D2HGDH: variants seen among roughly 807,000 people sequenced by gnomAD.
The protein encoded by D2HGDH is D-2-hydroxyglutarate dehydrogenase, mitochondrial.
A neutral mutation model predicts 46.9 loss-of-function variants in D2HGDH; 31 were observed. The observed-to-expected ratio is 0.66, with a 90% CI of 0.50 to 0.89. The LOEUF is 0.89. Ranked by LOEUF, D2HGDH falls within the 40% of genes least tolerant of loss-of-function variation. The probability of loss-of-function intolerance (pLI) is 0.00; values close to 1 mark genes in which losing one functional copy is unlikely to be tolerated. For missense variants in D2HGDH, 698 were observed against 720.8 expected (o/e 0.97, Z 0.36); for synonymous variants, 364 against 332.6 (o/e 1.09, Z -1.03).
At position 241,743,725 on chromosome 2, in the gene D2HGDH, C is replaced by T. The variant is rs1320869454; in HGVS notation, c.594C>T (p.Cys198=). The T allele has an allele frequency of 3.1e-6, 5 of 1,613,674 alleles. No homozygotes were observed. In the East Asian group the frequency reaches 8.9e-5, roughly 29 times the overall value. Residue 198 remains cysteine, a synonymous_variant, in exon 5 of 10, where the codon TGC becomes TGT. Coordinates refer to ENST00000321264, the MANE Select transcript of D2HGDH (RefSeq NM_152783.5). The surrounding 1 kb of genome is among the most constrained non-coding windows in gnomAD (Gnocchi z 4.8). ...MPLDLGAKGS[C]HIGGNVATNA... is the part of the protein sequence containing the mutation. ...TGGACTTAGGAGCCAAGGGCAGCTG[C>T]CACATCGGGGGAAACGTGGCAACCA...
intron 6 of D2HGDH, among the ~76,000 whole-genome samples, chr2:241,747,546 G>T (rs866770849): frequency 6.6e-5 from 9 of 136,700 alleles, no homozygotes; most frequent in Admixed American, 2.2e-4. Context: ...TCAGGAGAGT[G>T]TTTTTTTTTT....
intron 2 of D2HGDH, among the ~76,000 whole-genome samples, chr2:241,739,093 G>A (rs1230545702): frequency 6.6e-6 from 1 of 152,220 alleles, no homozygotes; most frequent in African/African-American, 2.4e-5. Context: ...CACCTCTGGC[G>A]GCCTTGCCCC....
rs145921981 is a variant in D2HGDH at position 241,759,430 on chromosome 2, C to T, written c.1306+3416C>T. ...CTCGCTCTTTATCTCCAGCATTGCCCGCTGCCTTGGTGTCTGCTTTGTTTA... is the reference window on the plus strand; with the variant it reads ...CTCGCTCTTTATCTCCAGCATTGCCTGCTGCCTTGGTGTCTGCTTTGTTTA... On this transcript the variant is annotated intron_variant, in intron 9 of 9. Coordinates refer to ENST00000321264, the MANE Select transcript of D2HGDH (RefSeq NM_152783.5). Among the ~76,000 whole-genome samples the T allele has an allele frequency of 1.4e-4, 21 of 152,330 alleles. No individual in the cohort carries two copies. The East Asian group carries it at 2.5e-3, about 18-fold the overall frequency.
At chr2:241,756,128 C>G in intron 9 of D2HGDH, 114 bp downstream of exon 9, 1 of 1,406,526 alleles carries the variant, frequency 7.1e-7, no homozygotes, top group Non-Finnish European at 9.4e-7. Flanking sequence ...TCTGGCTTAG[C>G]ATATCTCCCG....
intron 2 of D2HGDH, among the ~76,000 whole-genome samples, 188 bp downstream of exon 2, chr2:241,735,704 CAA>C (rs1372112803): frequency 6.6e-6 from 1 of 152,176 alleles, no homozygotes; most frequent in South Asian, 2.1e-4. Context: ...TAGAACAACC[CAA>C]GTTTTGTTGT....
In D2HGDH at chr2:241,743,990, C is replaced by T. The variant is rs1188217200; in HGVS notation, c.684+175C>T. Among the ~76,000 whole-genome samples, 5 of 152,218 alleles carry T rather than the reference C, an allele frequency of 3.3e-5. No homozygotes were observed. The highest frequency in any genetic ancestry group is 1.2e-4 in the African/African-American group (5 of 41,454). On this transcript the variant is annotated intron_variant, in intron 5 of 9. Transcript: ENST00000321264. The surrounding 1 kb of genome is among the most constrained non-coding windows in gnomAD (Gnocchi z 4.8). The stretch of plus-strand genomic sequence containing the variant: ...ACATACACCCCCATCCTGAGGGAGG[C>T]CTGGCCCTGCCCTGTCCTCCCACGA...
intron 3 of D2HGDH, among the ~76,000 whole-genome samples, chr2:241,741,306 T>G (rs1241865607): frequency 1.3e-5 from 2 of 152,204 alleles, no homozygotes. Context: ...CATGCCCATT[T>G]CTTGGCACTG....
Position 241,741,089 on chromosome 2 carries a change from A to C in D2HGDH, c.349A>C (p.Arg117=), listed in dbSNP as rs1289999726. The C allele has an allele frequency of 6.2e-7, 1 of 1,613,446 alleles. No homozygotes were observed. The highest frequency in any genetic ancestry group is 1.3e-5 in the African/African-American group (1 of 74,898). Residue 117 remains arginine, a splice_region_variant and synonymous_variant, in exon 3 of 10, where the codon AGG becomes CGG. Transcript: ENST00000321264. ...RTSEEVSHIL[R]HCHERNLAVN... is the part of the protein sequence containing the mutation. Reference sequence around the variant, plus strand: ...GTCGGAGGAGGTGTCCCACATCCTCAGGTGAGGTGGTGGCTCCCGGCTCCC... The same window carrying C: ...GTCGGAGGAGGTGTCCCACATCCTCCGGTGAGGTGGTGGCTCCCGGCTCCC...
intron 6 of D2HGDH, 48 bp from the exon 7 acceptor site, chr2:241,750,103 G>A (rs768199463): frequency 6.2e-7 from 1 of 1,612,964 alleles, no homozygotes; most frequent in Admixed American, 1.7e-5. Context: ...ACTTGGGTGG[G>A]CTGGGTTTAG....
chr2:241,746,460 C>G (rs915323001), intron 6 of D2HGDH, among the ~76,000 whole-genome samples: 1 of 152,224 alleles, frequency 6.6e-6, no homozygotes, highest in Non-Finnish European at 1.5e-5. Context: ...TATTCTCAAG[C>G]TCACCATTTG....
At chr2:241,751,076 C>T (rs1230631021) in intron 7 of D2HGDH, among the ~76,000 whole-genome samples, 170 bp from the exon 8 acceptor site, 1 of 152,156 alleles carries the variant, frequency 6.6e-6, no homozygotes, top group Non-Finnish European at 1.5e-5. Context: ...CTTTTTAAAC[C>T]TTCTGAAAGT....
chr2:241,763,664 T>C (rs979638979), intron 9 of D2HGDH, among the ~76,000 whole-genome samples: 2 of 152,184 alleles, frequency 1.3e-5, no homozygotes, highest in Non-Finnish European at 2.9e-5. Context: ...TCCATTTTAA[T>C]GTTATGGGGC....
In D2HGDH at chr2:241,735,230, G is replaced by A. The variant is rs925382170; in HGVS notation, c.6G>A (p.Leu2=). 1.3e-6 allele frequency: 2 copies of A among 1,512,704 alleles called. No homozygotes were observed. Among genetic ancestry groups the A allele is most frequent in the Admixed American group, 2.1e-5 (1 of 48,252 alleles). The allele number at this position is 1,512,704 out of a possible 1,614,324, so 93.7% of individuals were successfully genotyped here. M[L]PRRPLAWPAW... is the part of the protein sequence containing the mutation. ...AGGTCTCCGTCCCGGCGGCGATGCT[G>A]CCCCGTCGGCCTCTGGCGTGGCCCG... Residue 2 remains leucine, a synonymous_variant, in exon 2 of 10, where the codon CTG becomes CTA. Transcript: ENST00000321264.
intron 7 of D2HGDH, 118 bp downstream of exon 7, chr2:241,750,412 G>A (rs1351378174): frequency 1.8e-6 from 2 of 1,102,748 alleles, no homozygotes; most frequent in African/African-American, 1.6e-5. Context: ...CGGGTGGGGG[G>A]TCCCTGGGCG....
chr2:241,749,952 C>G (rs1696845537), intron 6 of D2HGDH, 199 bp from the exon 7 acceptor site: 9 of 700,780 alleles, frequency 1.3e-5, no homozygotes, highest in Admixed American at 2.1e-5. Flanking sequence ...CCCTCCTGAT[C>G]TGATGCTGGT....
intron 3 of D2HGDH, 42 bp downstream of exon 3, chr2:241,741,132 C>T (rs765167973): frequency 1.3e-5 from 21 of 1,588,736 alleles, no homozygotes; most frequent in East Asian, 1.1e-4. Flanking sequence ...TCCCTGTTGC[C>T]TGTGGGTCAT....
chr2:241,740,967 G>A (rs554066362), intron 2 of D2HGDH, 66 bp from the exon 3 acceptor site: 76 of 1,349,518 alleles, frequency 5.6e-5, no homozygotes, highest in South Asian at 1.7e-4. Context: ...TCTCTGGGGC[G>A]AGTGACCACT....
At position 241,758,765 on chromosome 2, in the gene D2HGDH, A is replaced by ATGTG. The variant is rs1491270413; in HGVS notation, c.1306+2752_1306+2753insGTGT. The stretch of plus-strand genomic sequence containing the variant: ...GATCTATACCGCCCCCCGCCCCACA[A>ATGTG]TATATGTGTGTGTGTGTGTGTGTGT... On this transcript the variant is annotated intron_variant, in intron 9 of 9. Transcript: ENST00000321264. 1.3e-3 allele frequency among the ~76,000 whole-genome samples: 142 copies of ATGTG among 113,426 alleles called. 2 individuals carry two copies. Among genetic ancestry groups the ATGTG allele is most frequent in the South Asian group, 3.1e-3 (9 of 2,880 alleles). The allele number at this position is 113,426 out of a possible 152,430, so 74.4% of individuals were successfully genotyped here. A position where few individuals can be genotyped will look rare whatever the true frequency, so the allele number is the denominator to read the frequency against.
At chr2:241,750,727 G>T (rs765395325) in intron 7 of D2HGDH, among the ~76,000 whole-genome samples, 1 of 152,164 alleles carries the variant, frequency 6.6e-6, no homozygotes, top group Non-Finnish European at 1.5e-5. Context: ...CCAGGCTGGA[G>T]TGCAATGTCA....
Sources: allele counts gnomAD v4.1 joint callset (sites outside exome capture counted in the v4.1 genomes callset), GRCh38; gene constraint gnomAD v4.1.1; non-coding constraint Gnocchi (gnomAD v3.1); transcripts MANE v1.5; gene names NCBI Gene and HGNC (gene_info 2026-07-23, HGNC 2026-07-21).